The following GALNTL6 variants were observed in gnomAD, a reference collection of about 807,000 sequenced individuals.
The protein encoded by GALNTL6 is polypeptide N-acetylgalactosaminyltransferase like 6.
A neutral mutation model predicts 73.7 loss-of-function variants in GALNTL6; 46 were observed. That is an observed-to-expected ratio of 0.62 (90% CI 0.49 to 0.80). The LOEUF (loss-of-function observed/expected upper bound fraction) is 0.80, where lower values mean the gene tolerates loss of function less well. Among genes scored for constraint, GALNTL6 ranks in the 30% least tolerant of loss-of-function variants. The pLI is 0.00. For synonymous variants in GALNTL6, 259 were observed against 263.7 expected, an observed-to-expected ratio of 0.98 and a Z score of 0.17; for missense variants, 604 against 755.0, an observed-to-expected ratio of 0.80 and a Z score of 2.34.
rs758799100 is a variant in GALNTL6 at position 172,952,022 on chromosome 4, T to C, written c.1150-15T>C. 6.3e-7 allele frequency: 1 copy of C among 1,582,448 alleles called. No homozygotes were observed. Among genetic ancestry groups the C allele is most frequent in the Non-Finnish European group, 8.6e-7 (1 of 1,164,020 alleles). ...ATAAACCAATAAATGACATTTTTGT[T>C]TTCCTGCTGCACAGAACCTGAAGCG... On this transcript the variant is annotated splice_polypyrimidine_tract_variant and intron_variant, in intron 9 of 12. Transcript: ENST00000506823.
At chr4:172,966,579 G>C (rs1294475736) in intron 10 of GALNTL6, among the ~76,000 whole-genome samples, 2 of 152,090 alleles carry the variant, frequency 1.3e-5, no homozygotes, top group African/African-American at 4.8e-5. Context: ...ATTTTTAGTA[G>C]AGACGGAGTT....
intron 2 of GALNTL6, among the ~76,000 whole-genome samples, chr4:172,105,042 T>C (rs751939003): frequency 6.6e-6 from 1 of 151,878 alleles, no homozygotes; most frequent in African/African-American, 2.4e-5. Flanking sequence ...GATTATACAA[T>C]AGCAAATGCA....
intron 2 of GALNTL6, among the ~76,000 whole-genome samples, chr4:172,166,826 A>G (rs1431590457): frequency 6.6e-6 from 1 of 152,228 alleles, no homozygotes; most frequent in Non-Finnish European, 1.5e-5. Context: ...TTGAATAGAA[A>G]TAAGGTGAAT....
At chr4:172,290,481 G>A (rs1256370660) in intron 3 of GALNTL6, among the ~76,000 whole-genome samples, 1 of 151,978 alleles carries the variant, frequency 6.6e-6, no homozygotes, top group Non-Finnish European at 1.5e-5. Flanking sequence ...ATCTCACCTA[G>A]CCCTTAGGTT....
chr4:172,487,321 T>C (rs1220184959), intron 5 of GALNTL6, among the ~76,000 whole-genome samples: 2 of 121,768 alleles, frequency 1.6e-5, no homozygotes, highest in East Asian at 4.1e-4. Flanking sequence ...TTTCTTTCTT[T>C]CTTTCTTTCT....
At chr4:172,607,389 A>G (rs2111040597) in intron 5 of GALNTL6, among the ~76,000 whole-genome samples, 1 of 152,036 alleles carries the variant, frequency 6.6e-6, no homozygotes, top group Admixed American at 6.6e-5. Context: ...GTGAAAACAT[A>G]CGGTATTTGG....
chr4:172,963,873 G>T (rs1368396591), intron 10 of GALNTL6, among the ~76,000 whole-genome samples: 1 of 152,184 alleles, frequency 6.6e-6, no homozygotes, highest in Admixed American at 6.5e-5. Flanking sequence ...AAAGTTAAAA[G>T]CCTCTGTTCA....
chr4:172,969,496 A>G (rs1395293439), intron 10 of GALNTL6, among the ~76,000 whole-genome samples: 1 of 152,262 alleles, frequency 6.6e-6, no homozygotes, highest in Non-Finnish European at 1.5e-5. Context: ...TGGGAAATCC[A>G]ACTAAGAACC....
chr4:172,445,336 G>T (rs1294980690), intron 5 of GALNTL6, among the ~76,000 whole-genome samples: 6 of 151,946 alleles, frequency 3.9e-5, no homozygotes, highest in Non-Finnish European at 8.8e-5. Flanking sequence ...AATAATAGAA[G>T]AAAAAACTGC....
chr4:172,984,538 T>C (rs1379271466), intron 10 of GALNTL6, among the ~76,000 whole-genome samples: 1 of 152,192 alleles, frequency 6.6e-6, no homozygotes. Context: ...TGTACATTTC[T>C]TCTGGAGAGT....
chr4:172,348,708 C>T lies in GALNTL6; in HGVS notation c.553+19C>T, dbSNP rs532349931. 276 of 1,526,330 alleles carry T rather than the reference C, an allele frequency of 1.8e-4. 7 individuals are homozygous for T. The South Asian group carries it at 3.1e-3, about 17-fold the overall frequency. 94.5% of individuals were successfully genotyped at this position (1,526,330 alleles called of 1,614,324 possible). A position where few individuals can be genotyped will look rare whatever the true frequency, so the allele number is the denominator to read the frequency against. ...GAGAGAGGTAAGATACAGTTGATAA[C>T]ATTTTATCTGATTCTGCTACCATTC... On this transcript the variant is annotated intron_variant, in intron 5 of 12. Coordinates refer to ENST00000506823, the MANE Select transcript of GALNTL6 (RefSeq NM_001034845.3).
chr4:172,428,157 A>C (rs1468138297), intron 5 of GALNTL6, among the ~76,000 whole-genome samples: 2 of 152,128 alleles, frequency 1.3e-5, no homozygotes, highest in Non-Finnish European at 2.9e-5. Context: ...TTTTTAGTAT[A>C]ACTACTTTTG....
intron 2 of GALNTL6, among the ~76,000 whole-genome samples, chr4:171,944,077 A>T (rs1021655147): frequency 2.0e-5 from 3 of 152,068 alleles, no homozygotes; most frequent in African/African-American, 7.2e-5. Context: ...TTTACATACA[A>T]TGATATCAGC....
intron 5 of GALNTL6, among the ~76,000 whole-genome samples, chr4:172,455,024 C>T (rs1266502073): frequency 6.6e-6 from 1 of 152,180 alleles, no homozygotes; most frequent in Non-Finnish European, 1.5e-5. Flanking sequence ...CAGCCCATCT[C>T]ACTGGGACTG....
rs77827737 is a variant in GALNTL6, at chr4:172,248,431, T to C, written c.247+18667T>C. Among the ~76,000 whole-genome samples, 566 of 152,318 alleles carry C rather than the reference T, an allele frequency of 3.7e-3. 2 individuals carry two copies. The highest frequency in any genetic ancestry group is 0.013 in the African/African-American group (531 of 41,574). Reference sequence around the variant, plus strand: ...TTTTCCTAATGACTAACACTCATTGTGTCCCTAGGCAAAAAAGACCCTAGA... The same window carrying C: ...TTTTCCTAATGACTAACACTCATTGCGTCCCTAGGCAAAAAAGACCCTAGA... On this transcript the variant is annotated intron_variant, in intron 3 of 12. Coordinates refer to ENST00000506823, the MANE Select transcript of GALNTL6 (RefSeq NM_001034845.3).
chr4:172,760,759 C>T (rs773583617), intron 5 of GALNTL6, among the ~76,000 whole-genome samples: 4 of 152,092 alleles, frequency 2.6e-5, no homozygotes, highest in Admixed American at 6.5e-5. Flanking sequence ...CCTGATCCCT[C>T]GCCCCACCGA....
chr4:172,840,859 G>T (rs1743168866), intron 7 of GALNTL6, among the ~76,000 whole-genome samples: 1 of 152,174 alleles, frequency 6.6e-6, no homozygotes, highest in South Asian at 2.1e-4. Flanking sequence ...GCCCTTCAGG[G>T]ACTGGCTCAA....
At chr4:172,940,654 C>A (rs1748869934) in intron 9 of GALNTL6, among the ~76,000 whole-genome samples, 1 of 151,650 alleles carries the variant, frequency 6.6e-6, no homozygotes, top group Admixed American at 6.6e-5. Flanking sequence ...AGCCACCACA[C>A]CCGGCCAACA....
intron 5 of GALNTL6, among the ~76,000 whole-genome samples, chr4:172,638,613 T>C (rs895433011): frequency 7.2e-5 from 11 of 152,156 alleles, no homozygotes; most frequent in African/African-American, 2.4e-4. Context: ...TCCCATGTCT[T>C]CTTCACTCAG....
Sources: allele counts gnomAD v4.1 joint callset (sites outside exome capture counted in the v4.1 genomes callset), GRCh38; gene constraint gnomAD v4.1.1; transcripts MANE v1.5; gene names NCBI Gene and HGNC (gene_info 2026-07-23, HGNC 2026-07-21).